The following HECW1 variants were observed in gnomAD, a reference collection of about 807,000 sequenced individuals.
The protein encoded by HECW1 is HECT, C2 and WW domain containing E3 ubiquitin protein ligase 1, also known as E3 ubiquitin-protein ligase HECW1.
In HECW1, 61 loss-of-function variants were observed where a neutral mutation model predicts 182.3. The ratio of observed to expected loss-of-function variants is 0.33; its 90% confidence interval spans 0.27 to 0.41. The LOEUF is 0.41. Ranked by LOEUF, HECW1 falls within the 10% of genes least tolerant of loss-of-function variation. HECW1 has a pLI of 1.00. For synonymous variants in HECW1, 859 were observed against 832.6 expected (o/e 1.03, Z -0.55); for missense variants, 1,739 against 2,108.9 (o/e 0.82, Z 3.44).
chr7:43,517,669 G>A (rs1169866488), intron 24 of HECW1, among the ~76,000 whole-genome samples: 1 of 152,040 alleles, frequency 6.6e-6, no homozygotes, highest in East Asian at 1.9e-4. Flanking sequence ...TGACAAAAGA[G>A]CTCAGTGTGG....
chr7:43,432,685 G>A lies in HECW1; in HGVS notation c.802-5318G>A, dbSNP rs1321019484. The stretch of plus-strand genomic sequence containing the variant: ...CAGTGCCCAAAAAGTGTTTATGAAT[G>A]AATGGATACAACTTTCCCCTCCTTT... On this transcript the variant is annotated intron_variant, in intron 8 of 29. Transcript: ENST00000395891. The surrounding 1 kb of genome is among the most constrained non-coding windows in gnomAD (Gnocchi z 4.1). 6.6e-6 allele frequency among the ~76,000 whole-genome samples: 1 copy of A among 152,190 alleles called. No individual in the cohort carries two copies. Among genetic ancestry groups the A allele is most frequent in the Non-Finnish European group, 1.5e-5 (1 of 68,036 alleles).
At chr7:43,493,621 A>G (rs986300913) in intron 19 of HECW1, among the ~76,000 whole-genome samples, 1 of 152,234 alleles carries the variant, frequency 6.6e-6, no homozygotes, top group African/African-American at 2.4e-5. Flanking sequence ...CTTATGCTTC[A>G]TTAGGGTCAT....
intron 2 of HECW1, among the ~76,000 whole-genome samples, chr7:43,203,723 G>T (rs975194262): frequency 6.6e-6 from 1 of 152,194 alleles, no homozygotes; most frequent in Non-Finnish European, 1.5e-5. Flanking sequence ...CTCCCAAAAT[G>T]CTGGTCACTG....
intron 2 of HECW1, among the ~76,000 whole-genome samples, chr7:43,143,875 G>T (rs1554292074): frequency 6.6e-6 from 1 of 152,176 alleles, no homozygotes; most frequent in Non-Finnish European, 1.5e-5. Context: ...AGGGAACTAG[G>T]TAGTTTTTCT....
intron 2 of HECW1, among the ~76,000 whole-genome samples, chr7:43,236,086 A>G (rs978992949): frequency 6.6e-6 from 1 of 152,164 alleles, no homozygotes; most frequent in East Asian, 1.9e-4. Context: ...TGTGATATAT[A>G]TAATAAATAT....
intron 6 of HECW1, among the ~76,000 whole-genome samples, chr7:43,367,457 A>G (rs1039526500): frequency 1.3e-5 from 2 of 152,246 alleles, no homozygotes; most frequent in East Asian, 1.9e-4. Flanking sequence ...GAAGTTATAC[A>G]GTACAATATT....
chr7:43,265,550 A>T (rs1331632193), intron 3 of HECW1, among the ~76,000 whole-genome samples: 1 of 152,230 alleles, frequency 6.6e-6, no homozygotes, highest in Non-Finnish European at 1.5e-5. Flanking sequence ...CATAAGGTTC[A>T]TGCTAATAAG....
At position 43,192,686 on chromosome 7, in the gene HECW1, A is replaced by G. The variant is rs181264040; in HGVS notation, c.-31-51189A>G. Reference sequence around the variant, plus strand: ...TTGTCCTTAATGCTACCAGCTGGTGACAATCAATGTCAACATTTTGGTATA... The same window carrying G: ...TTGTCCTTAATGCTACCAGCTGGTGGCAATCAATGTCAACATTTTGGTATA... On this transcript the variant is annotated intron_variant, in intron 2 of 29. Coordinates refer to ENST00000395891, the MANE Select transcript of HECW1 (RefSeq NM_015052.5). 6.2e-3 allele frequency among the ~76,000 whole-genome samples: 946 copies of G among 152,360 alleles called. 15 individuals are homozygous for G. Among genetic ancestry groups the G allele is most frequent in the Non-Finnish European group, 5.7e-3 (388 of 68,040 alleles).
chr7:43,523,627 G>A (rs2080619201), intron 24 of HECW1, among the ~76,000 whole-genome samples: 1 of 152,050 alleles, frequency 6.6e-6, no homozygotes, highest in Non-Finnish European at 1.5e-5. Flanking sequence ...CAACAAGAGG[G>A]AAACGCCATC....
At chr7:43,525,053 C>A (rs991566570) in intron 24 of HECW1, among the ~76,000 whole-genome samples, 2 of 152,104 alleles carry the variant, frequency 1.3e-5, no homozygotes, top group African/African-American at 4.8e-5. Flanking sequence ...TTTGTTGATT[C>A]AAAACTCTTT....
intron 2 of HECW1, among the ~76,000 whole-genome samples, chr7:43,221,806 A>T (rs148980746): frequency 0.019 from 2,829 of 152,000 alleles, 82 homozygotes; most frequent in African/African-American, 0.052. Context: ...TGGCCTCCCA[A>T]AGTGCTGGGA....
At chr7:43,204,083 A>C (rs1795246901) in intron 2 of HECW1, among the ~76,000 whole-genome samples, 1 of 152,222 alleles carries the variant, frequency 6.6e-6, no homozygotes, top group Non-Finnish European at 1.5e-5. Flanking sequence ...ATAATTCTTG[A>C]GGTTCTTGGC....
At chr7:43,492,276 T>C in intron 18 of HECW1, 96 bp downstream of exon 18, 2 of 827,814 alleles carry the variant, frequency 2.4e-6, no homozygotes, top group Non-Finnish European at 3.9e-6. Flanking sequence ...ATGAACCCTT[T>C]ACTATTCAAC....
Position 43,508,949 on chromosome 7 carries a change from G to A in HECW1, c.3867-20G>A. On this transcript the variant is annotated intron_variant, in intron 23 of 29. Coordinates refer to ENST00000395891, the MANE Select transcript of HECW1 (RefSeq NM_015052.5). The stretch of plus-strand genomic sequence containing the variant: ...CTCCGGGCACAGAATGAGCTTCCTG[G>A]ACCTCTGCTTTCTTTGCAGCCTGGA... 1 of 1,611,960 alleles carries A rather than the reference G, an allele frequency of 6.2e-7. No homozygotes were observed. The highest frequency in any genetic ancestry group is 8.5e-7 in the Non-Finnish European group (1 of 1,179,430).
At chr7:43,476,056 C>CA (rs1185855195) in intron 16 of HECW1, among the ~76,000 whole-genome samples, 2 of 151,398 alleles carry the variant, frequency 1.3e-5, no homozygotes, top group Admixed American at 6.6e-5. Flanking sequence ...ACCAATATTA[C>CA]AAAAAAAGGA....
chr7:43,319,343 C>T (rs1483551423), intron 4 of HECW1, among the ~76,000 whole-genome samples: 1 of 142,176 alleles, frequency 7.0e-6, no homozygotes, highest in East Asian at 2.1e-4. Flanking sequence ...GCCGAGATTG[C>T]GCCACTGGAG....
At chr7:43,303,782 G>A (rs1373850868) in intron 3 of HECW1, among the ~76,000 whole-genome samples, 2 of 152,034 alleles carry the variant, frequency 1.3e-5, no homozygotes, top group Admixed American at 1.3e-4. Context: ...GACAGAGATG[G>A]TGGTTTAGCA....
chr7:43,133,767 A>T (rs1787215477), intron 2 of HECW1, among the ~76,000 whole-genome samples: 1 of 151,466 alleles, frequency 6.6e-6, no homozygotes, highest in Non-Finnish European at 1.5e-5. Context: ...TTTATTTTGT[A>T]CTTTCTTATA....
At chr7:43,171,909 G>A (rs1204812626) in intron 2 of HECW1, among the ~76,000 whole-genome samples, 3 of 152,102 alleles carry the variant, frequency 2.0e-5, no homozygotes, top group African/African-American at 7.2e-5. Flanking sequence ...TTTAAGTTTT[G>A]ATGAGCTGAA....
Sources: gnomAD v4.1 joint callset for allele counts (sites outside exome capture counted in the v4.1 genomes callset) on GRCh38, gnomAD v4.1.1 for gene constraint, Gnocchi (gnomAD v3.1) non-coding constraint, MANE v1.5 for transcripts, NCBI Gene and HGNC (gene_info 2026-07-23, HGNC 2026-07-21) for gene names.